CLDN16: variants seen among roughly 807,000 people sequenced by gnomAD.
The protein encoded by CLDN16 is claudin 16.
Under a neutral mutation model 24.6 loss-of-function variants are expected in CLDN16, and 13 were observed. The ratio of observed to expected loss-of-function variants is 0.53; its 90% CI spans 0.34 to 0.84. CLDN16 has a LOEUF of 0.84. CLDN16 is among the 40% of genes least tolerant of loss of function. The pLI, the probability that CLDN16 is intolerant of heterozygous loss-of-function variation, is 0.01. For synonymous variants in CLDN16, 116 were observed against 106.7 expected, an observed-to-expected ratio of 1.09 and a Z score of -0.54; for missense variants, 298 against 292.7, an observed-to-expected ratio of 1.02 and a Z score of -0.13.
At chr3:190,301,626 AT>A in the CLDN16 span, among the ~76,000 whole-genome samples, 1 of 152,116 alleles carries the variant, frequency 6.6e-6, no homozygotes, top group Admixed American at 6.5e-5. Flanking sequence ...CATCCTATGA[AT>A]TTCTTAGGCA....
intron 2 of CLDN16, among the ~76,000 whole-genome samples, chr3:190,371,244 A>G (rs561440009): frequency 6.6e-5 from 10 of 151,474 alleles, no homozygotes; most frequent in African/African-American, 9.7e-5. Context: ...TATTTAATCT[A>G]TTAGTTCTGT....
chr3:190,318,477 C>T (rs1716828520), upstream of CLDN16, among the ~76,000 whole-genome samples: 1 of 152,170 alleles, frequency 6.6e-6, no homozygotes, highest in Admixed American at 6.5e-5. Flanking sequence ...TAGCTTGCAT[C>T]TGTTGAATGG....
chr3:190,403,948 AC>A (rs1719024918), intron 2 of CLDN16, among the ~76,000 whole-genome samples: 1 of 152,206 alleles, frequency 6.6e-6, no homozygotes, highest in Non-Finnish European at 1.5e-5. Flanking sequence ...ACTTTTAAAT[AC>A]TGTTATATAC....
At chr3:190,352,804 A>G (rs78905184) in intron 1 of CLDN16, among the ~76,000 whole-genome samples, 1 of 140,900 alleles carries the variant, frequency 7.1e-6, no homozygotes, top group Non-Finnish European at 1.6e-5. Flanking sequence ...AAAAAAAAAA[A>G]GGATAAAAAA....
At position 190,327,826 on chromosome 3, in the gene CLDN16, T is replaced by C. The variant is rs74666263; in HGVS notation, n.121+5165T>C. Among the ~76,000 whole-genome samples the C allele has an allele frequency of 1.6e-4, 24 of 152,298 alleles. No homozygotes were observed. In the East Asian group the frequency reaches 4.6e-3, roughly 29 times the overall value. On this transcript the variant is annotated intron_variant and non_coding_transcript_variant, in intron 1 of 4. Coordinates refer to the CLDN16 transcript ENST00000468220. ...GTAACTAACGGAATTAGTGAACAGA[T>C]GGATGGACTGATAGAGGAAGACTCT...
At chr3:190,369,406 G>A (rs1718086994) in intron 1 of CLDN16, among the ~76,000 whole-genome samples, 1 of 151,920 alleles carries the variant, frequency 6.6e-6, no homozygotes, top group Admixed American at 6.6e-5. Context: ...GTTTAGAGAA[G>A]CTGCTCATAA....
intron 1 of CLDN16, among the ~76,000 whole-genome samples, chr3:190,351,071 G>T (rs1251363036): frequency 1.3e-5 from 2 of 151,970 alleles, no homozygotes; most frequent in Non-Finnish European, 2.9e-5. Context: ...AGTGGTAATT[G>T]AGTTCGTGGG....
chr3:190,323,688 A>G (rs182150076), intron 1 of CLDN16, among the ~76,000 whole-genome samples: 9 of 152,300 alleles, frequency 5.9e-5, no homozygotes, highest in Admixed American at 5.9e-4. Flanking sequence ...TTGGTGACAG[A>G]GAAGGAAAGG....
intron 1 of CLDN16, among the ~76,000 whole-genome samples, chr3:190,356,441 A>G (rs758789584): frequency 6.6e-6 from 1 of 151,890 alleles, no homozygotes; most frequent in Non-Finnish European, 1.5e-5. Flanking sequence ...TTTTCAGACT[A>G]ATGTGCATGT....
chr3:190,362,020 G>T (rs973264879), intron 1 of CLDN16, among the ~76,000 whole-genome samples: 2 of 143,788 alleles, frequency 1.4e-5, no homozygotes, highest in African/African-American at 2.5e-5. Context: ...AGTCTAACCT[G>T]GTCTAACCTG....
chr3:190,404,442 T>C (rs1719039054), intron 2 of CLDN16, among the ~76,000 whole-genome samples: 2 of 152,238 alleles, frequency 1.3e-5, no homozygotes, highest in Non-Finnish European at 2.9e-5. Flanking sequence ...TATTTGTGAA[T>C]GAGACATTTT....
intron 2 of CLDN16, among the ~76,000 whole-genome samples, chr3:190,374,269 T>TTGTGTGTGTGTGTGTGTGTGTG (rs3220823): frequency 6.5e-5 from 9 of 139,300 alleles, no homozygotes; most frequent in African/African-American, 2.4e-4. Flanking sequence ...CTGAAAAACA[T>TTGTGTGTGTGTGTGTGTGTGTG]TGTGTGTGTG....
At chr3:190,350,344 T>TATATATATATATA (rs1560085135) in intron 1 of CLDN16, among the ~76,000 whole-genome samples, 5,034 of 141,860 alleles carry the variant, frequency 0.035, 162 homozygotes, top group Middle Eastern at 0.077. Flanking sequence ...GTTCATAATG[T>TATATATATATATA]TATATATATA....
At chr3:190,301,922 A>G in the CLDN16 span, among the ~76,000 whole-genome samples, 1 of 152,222 alleles carries the variant, frequency 6.6e-6, no homozygotes, top group Non-Finnish European at 1.5e-5. Flanking sequence ...CCTTTGATCA[A>G]GACTTATTAT....
intron 1 of CLDN16, among the ~76,000 whole-genome samples, chr3:190,326,511 G>T (rs945659639): frequency 6.6e-6 from 1 of 152,184 alleles, no homozygotes; most frequent in Non-Finnish European, 1.5e-5. Flanking sequence ...CCTAGCTCTG[G>T]ATAGTTTCCC....
the CLDN16 span, among the ~76,000 whole-genome samples, chr3:190,299,742 G>A: frequency 5.9e-5 from 9 of 152,020 alleles, no homozygotes; most frequent in African/African-American, 1.7e-4. Context: ...TACATGCTTA[G>A]GTCTATTTGT....
rs2108522215 is a variant in CLDN16 at position 190,410,956 on chromosome 3, A to G, written c.*920A>G. 6.6e-6 allele frequency: 1 copy of G among 152,270 alleles called. No individual in the cohort carries two copies. The highest frequency in any genetic ancestry group is 1.5e-5 in the Non-Finnish European group (1 of 68,026). The allele number at this position is 152,270 out of a possible 1,614,324, so 9.4% of individuals were successfully genotyped here. A position where few individuals can be genotyped will look rare whatever the true frequency, so the allele number is the denominator to read the frequency against. On this transcript the variant is annotated 3_prime_UTR_variant, in exon 5 of 5. Transcript: ENST00000264734. ...TGATATAAATAAATAAACGTTCACG[A>G]CTTTACTTAAAAAATCAATGTTGCG...
intron 1 of CLDN16, among the ~76,000 whole-genome samples, chr3:190,401,329 C>T (rs900650068): frequency 3.9e-5 from 6 of 152,096 alleles, no homozygotes; most frequent in African/African-American, 1.4e-4. Context: ...CATTCCTCAT[C>T]CCACCCTGCT....
intron 1 of CLDN16, among the ~76,000 whole-genome samples, chr3:190,334,489 C>T (rs935077516): frequency 6.6e-6 from 1 of 152,224 alleles, no homozygotes; most frequent in Non-Finnish European, 1.5e-5. Context: ...AAGCACTGGA[C>T]AATTTTTTGT....
Sources: gnomAD v4.1 joint callset for allele counts (sites outside exome capture counted in the v4.1 genomes callset) on GRCh38, gnomAD v4.1.1 for gene constraint, MANE v1.5 for transcripts, NCBI Gene and HGNC (gene_info 2026-07-23, HGNC 2026-07-21) for gene names.